GPATCH2L: variants seen among roughly 807,000 people sequenced by gnomAD.
GPATCH2L encodes the protein G-patch domain containing 2 like.
A neutral mutation model predicts 57.4 loss-of-function variants in GPATCH2L; 31 were observed. The observed-to-expected ratio is 0.54, with a 90% CI of 0.41 to 0.73. The LOEUF is 0.73. Ranked by LOEUF, GPATCH2L falls within the 30% of genes least tolerant of loss-of-function variation. The pLI is 0.00. For synonymous variants in GPATCH2L, 199 were observed against 210.7 expected, an observed-to-expected ratio of 0.94 and a Z score of 0.48; for missense variants, 481 against 599.9, an observed-to-expected ratio of 0.80 and a Z score of 2.07.
At chr14:76,229,843 AC>A (rs976051188) in exon 2 of GPATCH2L, 1 of 151,942 alleles carries the variant, frequency 6.6e-6, no homozygotes, top group African/African-American at 2.4e-5. Flanking sequence ...CTGAGACAAC[AC>A]TCGGAGGCCT....
chr14:76,186,301 A>C (rs902454398), intron 8 of GPATCH2L, among the ~76,000 whole-genome samples: 1 of 152,124 alleles, frequency 6.6e-6, no homozygotes, highest in African/African-American at 2.4e-5. Context: ...TTGAAATAGG[A>C]TAGGCTGAGC....
intron 8 of GPATCH2L, among the ~76,000 whole-genome samples, chr14:76,195,549 A>G (rs977122819): frequency 1.3e-5 from 2 of 152,204 alleles, no homozygotes; most frequent in South Asian, 2.1e-4. Context: ...TAAGTATTTC[A>G]TTAGTGAGTT....
At chr14:76,233,365 T>C (rs2040583601) in intron 2 of GPATCH2L, among the ~76,000 whole-genome samples, 1 of 152,234 alleles carries the variant, frequency 6.6e-6, no homozygotes, top group African/African-American at 2.4e-5. Context: ...GGCAATTTGA[T>C]AGATACAAAG....
chr14:76,215,873 T>A (rs2040486875), downstream of GPATCH2L, among the ~76,000 whole-genome samples: 1 of 151,130 alleles, frequency 6.6e-6, no homozygotes, highest in Non-Finnish European at 1.5e-5. Context: ...ATATGTAACC[T>A]GCACAATGTG....
intron 2 of GPATCH2L, among the ~76,000 whole-genome samples, chr14:76,232,352 C>A (rs752362728): frequency 6.6e-6 from 1 of 152,156 alleles, no homozygotes; most frequent in African/African-American, 2.4e-5. Flanking sequence ...CAGGCTGGAG[C>A]GCAATGGCGC....
In GPATCH2L at chr14:76,154,297, C is replaced by A; in HGVS notation, c.-10-57C>A. The A allele has an allele frequency of 7.3e-7, 1 of 1,370,478 alleles. No individual in the cohort carries two copies. The highest frequency in any genetic ancestry group is 1.0e-6 in the Non-Finnish European group (1 of 1,002,008). The allele number at this position is 1,370,478 out of a possible 1,614,324, so 84.9% of individuals were successfully genotyped here. On this transcript the variant is annotated intron_variant, in intron 1 of 9. Transcript: ENST00000261530. This position sits in a 1 kb window ranked among gnomAD's most constrained non-coding sequence, Gnocchi z 4.4. ...CCAAAACAACAGATCCTTTTTCAGGCTTTCTTTTTCTTTTTCTTTTCTTTC... is the reference window on the plus strand; with the variant it reads ...CCAAAACAACAGATCCTTTTTCAGGATTTCTTTTTCTTTTTCTTTTCTTTC...
In GPATCH2L at chr14:76,202,536, T is replaced by TACACACACACACACAC. The variant is rs34957782; in HGVS notation, c.*697_*712dup. On this transcript the variant is annotated 3_prime_UTR_variant, in exon 10 of 10. Coordinates refer to ENST00000261530, the MANE Select transcript of GPATCH2L (RefSeq NM_017926.4). ...GTTCTACTGAAAGAGGACGTGTGTA[T>TACACACACACACACAC]ACACACACACACACACACACACACA... The TACACACACACACACAC allele has an allele frequency of 6.1e-4, 82 of 134,160 alleles. 1 individual carries two copies. The highest frequency in any genetic ancestry group is 1.9e-3 in the African/African-American group (77 of 40,596). The allele number at this position is 134,160 out of a possible 1,614,324, so 8.3% of individuals were successfully genotyped here. A position where few individuals can be genotyped will look rare whatever the true frequency, so the allele number is the denominator to read the frequency against.
chr14:76,221,584 G>T (rs900226681), intron 1 of GPATCH2L, among the ~76,000 whole-genome samples: 2 of 151,582 alleles, frequency 1.3e-5, no homozygotes, highest in Non-Finnish European at 3.0e-5. Flanking sequence ...TGCCCAAGAT[G>T]TCTTTCAGCA....
chr14:76,218,208 C>G (rs2040497639), downstream of GPATCH2L, among the ~76,000 whole-genome samples: 1 of 151,944 alleles, frequency 6.6e-6, no homozygotes, highest in South Asian at 2.1e-4. Context: ...TTCTGTAAGA[C>G]TTAGGCGAAA....
intron 8 of GPATCH2L, among the ~76,000 whole-genome samples, chr14:76,181,193 A>G (rs2039547409): frequency 6.6e-6 from 1 of 152,190 alleles, no homozygotes; most frequent in South Asian, 2.1e-4. Context: ...CCCTACATGT[A>G]CAGCCTCCTT....
rs77919805 is a variant in GPATCH2L at position 76,158,202 on chromosome 14, A to C, written c.662+3177A>C. Among the ~76,000 whole-genome samples the C allele has an allele frequency of 4.8e-3, 727 of 152,176 alleles. 3 individuals carry two copies. The highest frequency in any genetic ancestry group is 8.4e-3 in the Non-Finnish European group (574 of 68,022). Reference sequence around the variant, plus strand: ...TTCAGGAGCCTTCCTAAGGTGATGTATTAGAGGCTGATCTCACAGGAAAGA... The same window carrying C: ...TTCAGGAGCCTTCCTAAGGTGATGTCTTAGAGGCTGATCTCACAGGAAAGA... On this transcript the variant is annotated intron_variant, in intron 2 of 9. Coordinates refer to ENST00000261530, the MANE Select transcript of GPATCH2L (RefSeq NM_017926.4).
At chr14:76,189,345 ATC>A (rs2039882711) in intron 8 of GPATCH2L, among the ~76,000 whole-genome samples, 1 of 149,250 alleles carries the variant, frequency 6.7e-6, no homozygotes, top group Admixed American at 6.7e-5. Context: ...AACATGGAAT[ATC>A]TCTCAGTTTT....
At chr14:76,217,211 G>C (rs1426792239), downstream of GPATCH2L, among the ~76,000 whole-genome samples, 2 of 152,158 alleles carry the variant, frequency 1.3e-5, no homozygotes, top group Non-Finnish European at 2.9e-5. Flanking sequence ...ACGGTGTTTT[G>C]TTTTGTTTTT....
chr14:76,218,481 T>C (rs960958814), downstream of GPATCH2L, among the ~76,000 whole-genome samples: 11 of 151,936 alleles, frequency 7.2e-5, no homozygotes, highest in Non-Finnish European at 1.6e-4. Flanking sequence ...GAAATATTAT[T>C]TGTAGAAAAT....
chr14:76,185,180 G>T (rs1216277943), intron 8 of GPATCH2L, among the ~76,000 whole-genome samples: 1 of 152,146 alleles, frequency 6.6e-6, no homozygotes, highest in South Asian at 2.1e-4. Flanking sequence ...TTGTTGGCTG[G>T]GTGTGTAGAT....
intron 9 of GPATCH2L, 171 bp downstream of exon 9, chr14:76,196,143 C>G (rs1257927723): frequency 2.8e-6 from 2 of 710,184 alleles, no homozygotes; most frequent in African/African-American, 1.7e-5. Context: ...CTTGCTGACT[C>G]TGAAGTCTGT....
intron 1 of GPATCH2L, among the ~76,000 whole-genome samples, chr14:76,225,127 T>C (rs1233244720): frequency 6.6e-6 from 1 of 152,164 alleles, no homozygotes; most frequent in Non-Finnish European, 1.5e-5. Flanking sequence ...AAGCTGATTC[T>C]GAAACATGGA....
chr14:76,171,749 A>T, intron 3 of GPATCH2L, 94 bp from the exon 4 acceptor site: 2 of 736,844 alleles, frequency 2.7e-6, no homozygotes, highest in Non-Finnish European at 4.4e-6. Context: ...AAAAAGGATG[A>T]TCAAAACTAT....
chr14:76,160,696 A>G (rs1172742245), intron 2 of GPATCH2L, among the ~76,000 whole-genome samples: 1 of 152,206 alleles, frequency 6.6e-6, no homozygotes, highest in Admixed American at 6.5e-5. Flanking sequence ...AAAAATCTTA[A>G]AAGGGGTTGA....
Sources: allele counts gnomAD v4.1 joint callset (sites outside exome capture counted in the v4.1 genomes callset), GRCh38; gene constraint gnomAD v4.1.1; non-coding constraint Gnocchi (gnomAD v3.1); transcripts MANE v1.5; gene names NCBI Gene and HGNC (gene_info 2026-07-23, HGNC 2026-07-21).